PDCD10: variants seen among roughly 807,000 people sequenced by gnomAD.
The protein encoded by PDCD10 is programmed cell death protein 10.
In PDCD10, 4 loss-of-function variants were observed where a neutral mutation model predicts 29.2. The observed-to-expected ratio is 0.14, with a 90% CI of 0.07 to 0.31. The LOEUF (loss-of-function observed/expected upper bound fraction) is 0.31, where lower values mean the gene tolerates loss of function less well. PDCD10 is among the 10% of genes least tolerant of loss of function. PDCD10 has a pLI of 1.00. For missense variants in PDCD10, 183 were observed against 257.9 expected (o/e 0.71, Z 1.99); for synonymous variants, 70 against 82.2 (o/e 0.85, Z 0.80).
At chr3:167,698,722 A>C (rs895109260) in intron 4 of PDCD10, among the ~76,000 whole-genome samples, 1 of 149,990 alleles carries the variant, frequency 6.7e-6, no homozygotes, top group Non-Finnish European at 1.5e-5. Context: ...TACATAATGA[A>C]TTATCTTGGG....
At chr3:167,721,487 T>G (rs913565728) in intron 2 of PDCD10, among the ~76,000 whole-genome samples, 1 of 152,196 alleles carries the variant, frequency 6.6e-6, no homozygotes, top group Admixed American at 6.5e-5. Context: ...CTGCTAGGTA[T>G]GAAGTGCAGT....
At chr3:167,688,572 C>T (rs185597424) in intron 6 of PDCD10, among the ~76,000 whole-genome samples, 109 of 152,270 alleles carry the variant, frequency 7.2e-4, no homozygotes, top group Middle Eastern at 3.4e-3. Context: ...TTGATTTCCA[C>T]ATTTTAACCT....
chr3:167,709,751 G>A (rs1218620994), intron 3 of PDCD10, among the ~76,000 whole-genome samples: 1 of 152,044 alleles, frequency 6.6e-6, no homozygotes, highest in Admixed American at 6.6e-5. Context: ...ACCAGACAGG[G>A]CGACCAAGGG....
At position 167,684,087 on chromosome 3, in the gene PDCD10, A is replaced by G. The variant is rs886058158; in HGVS notation, c.*221T>C. The G allele has an allele frequency of 2.2e-6, 1 of 445,352 alleles. No homozygotes were observed. Among genetic ancestry groups the G allele is most frequent in the Non-Finnish European group, 4.1e-6 (1 of 242,990 alleles). The allele number at this position is 445,352 out of a possible 1,614,324, so 27.6% of individuals were successfully genotyped here. On this transcript the variant is annotated 3_prime_UTR_variant, in exon 9 of 9. Coordinates refer to ENST00000392750, the MANE Select transcript of PDCD10 (RefSeq NM_007217.4). ...ATTCTTTTGGCTTATAATTCTTAAA[A>G]GAATGATAATAGCAAAAGTGATGCA...
chr3:167,715,999 A>C (rs918340490), intron 3 of PDCD10, among the ~76,000 whole-genome samples: 1 of 152,044 alleles, frequency 6.6e-6, no homozygotes, highest in Non-Finnish European at 1.5e-5. Flanking sequence ...TGTTCACAAC[A>C]GCCAAGATTT....
At chr3:167,714,285 T>C (rs1047237922) in intron 3 of PDCD10, among the ~76,000 whole-genome samples, 3 of 152,034 alleles carry the variant, frequency 2.0e-5, no homozygotes, top group Non-Finnish European at 4.4e-5. Context: ...AGGACAAACA[T>C]CATATGATCA....
At chr3:167,711,264 A>G (rs1360188891) in intron 3 of PDCD10, among the ~76,000 whole-genome samples, 2 of 152,206 alleles carry the variant, frequency 1.3e-5, no homozygotes, top group East Asian at 1.9e-4. Context: ...AGGAAACACA[A>G]TGAAATTCAA....
intron 3 of PDCD10, among the ~76,000 whole-genome samples, chr3:167,711,874 T>A (rs915335122): frequency 3.9e-5 from 6 of 152,076 alleles, no homozygotes; most frequent in African/African-American, 9.7e-5. Flanking sequence ...ATATTTAAAA[T>A]GCTGAAGGAA....
At chr3:167,710,433 A>G (rs928854775) in intron 3 of PDCD10, among the ~76,000 whole-genome samples, 23 of 152,146 alleles carry the variant, frequency 1.5e-4, no homozygotes, top group African/African-American at 5.6e-4. Context: ...AGAACTCCCC[A>G]TGTGCCAGTG....
chr3:167,688,230 C>T (rs1329649854), intron 6 of PDCD10, among the ~76,000 whole-genome samples: 2 of 152,094 alleles, frequency 1.3e-5, no homozygotes, highest in Non-Finnish European at 2.9e-5. Flanking sequence ...AGAAAATATT[C>T]CTCTCCCCTG....
intron 3 of PDCD10, among the ~76,000 whole-genome samples, chr3:167,713,081 A>C (rs1376303932): frequency 2.0e-5 from 3 of 152,066 alleles, no homozygotes; most frequent in Admixed American, 6.5e-5. Flanking sequence ...CATCAGACTA[A>C]ATCTGCACTA....
intron 2 of PDCD10, among the ~76,000 whole-genome samples, chr3:167,732,727 T>C (rs954047141): frequency 2.0e-5 from 3 of 152,254 alleles, no homozygotes; most frequent in South Asian, 4.1e-4. Flanking sequence ...CTTTCCATAA[T>C]GACAGAGTTA....
At chr3:167,697,245 A>T in intron 4 of PDCD10, 119 bp from the exon 5 acceptor site, 1 of 663,252 alleles carries the variant, frequency 1.5e-6, no homozygotes, top group African/African-American at 1.8e-5. Flanking sequence ...TAAGGGCAGA[A>T]ATCTTTGTAA....
chr3:167,684,016 T>C lies in PDCD10; in HGVS notation c.*292A>G. 1 of 275,698 alleles carries C rather than the reference T, an allele frequency of 3.6e-6. No homozygotes were observed. 17.1% of individuals were successfully genotyped at this position (275,698 alleles called of 1,614,324 possible). The stretch of plus-strand genomic sequence containing the variant: ...AATGTCAGAAACAAACACCAATATT[T>C]ACAATTCTTTTAAGGAATGTTATAT... On this transcript the variant is annotated 3_prime_UTR_variant, in exon 9 of 9. Coordinates refer to ENST00000392750, the MANE Select transcript of PDCD10 (RefSeq NM_007217.4).
At chr3:167,705,436 C>T (rs1721877887) in intron 3 of PDCD10, among the ~76,000 whole-genome samples, 1 of 152,112 alleles carries the variant, frequency 6.6e-6, no homozygotes, top group African/African-American at 2.4e-5. Flanking sequence ...TCTACACAAA[C>T]CTTATGAACA....
intron 2 of PDCD10, among the ~76,000 whole-genome samples, chr3:167,732,183 A>C (rs1242599990): frequency 6.6e-6 from 1 of 152,206 alleles, no homozygotes; most frequent in Non-Finnish European, 1.5e-5. Context: ...CTGTAGTCAG[A>C]AGATCTCGAT....
intron 4 of PDCD10, 98 bp downstream of exon 4, chr3:167,704,744 G>C (rs1396636704): frequency 1.2e-6 from 1 of 838,446 alleles, no homozygotes; most frequent in African/African-American, 1.7e-5. Flanking sequence ...GGCTAAAAAG[G>C]CTTTCCCTTA....
At chr3:167,708,385 A>G (rs926068691) in intron 3 of PDCD10, among the ~76,000 whole-genome samples, 3 of 152,146 alleles carry the variant, frequency 2.0e-5, no homozygotes, top group Non-Finnish European at 2.9e-5. Context: ...TTAAAGGTCA[A>G]AATAATTAGA....
intron 8 of PDCD10, among the ~76,000 whole-genome samples, chr3:167,684,637 A>G (rs1719390698): frequency 6.6e-6 from 1 of 152,186 alleles, no homozygotes; most frequent in Admixed American, 6.5e-5. Context: ...ATAGTGCCTC[A>G]ACAACCCAGT....
Sources: gnomAD v4.1 joint callset for allele counts (sites outside exome capture counted in the v4.1 genomes callset) on GRCh38, gnomAD v4.1.1 for gene constraint, MANE v1.5 for transcripts, NCBI Gene and HGNC (gene_info 2026-07-23, HGNC 2026-07-21) for gene names.